ARHGAP29: variants seen among roughly 807,000 people sequenced by gnomAD.
ARHGAP29 encodes the protein rho GTPase-activating protein 29.
ARHGAP29 carries 43 observed loss-of-function variants against 122.6 expected under a neutral mutation model. The observed-to-expected ratio is 0.35, with a 90% CI of 0.27 to 0.45. The LOEUF is 0.45. ARHGAP29 is among the 20% of genes least tolerant of loss of function. The probability of loss-of-function intolerance (pLI) is 1.00; values close to 1 mark genes in which losing one functional copy is unlikely to be tolerated. For synonymous variants in ARHGAP29, 506 were observed against 497.1 expected (o/e 1.02, Z -0.24); for missense variants, 1,303 against 1,477.2 (o/e 0.88, Z 1.93).
chr1:94,206,778 C>T (rs1357734345), intron 5 of ARHGAP29, among the ~76,000 whole-genome samples: 1 of 151,818 alleles, frequency 6.6e-6, no homozygotes, highest in African/African-American at 2.4e-5. Context: ...TGTCTGTGGT[C>T]CCAGCTACTT....
At chr1:94,193,810 A>G (rs1650274486) in intron 12 of ARHGAP29, 1 of 152,232 alleles carries the variant, frequency 6.6e-6, no homozygotes, top group Non-Finnish European at 1.5e-5. Context: ...TCTGTAGACA[A>G]AGTGTTACCA....
At chr1:94,236,759 GAA>G (rs1653296707) in intron 1 of ARHGAP29, among the ~76,000 whole-genome samples, 1 of 151,980 alleles carries the variant, frequency 6.6e-6, no homozygotes, top group Non-Finnish European at 1.5e-5. Context: ...TGAGACTGAG[GAA>G]AACTCTCAAC....
chr1:94,221,042 A>C (rs1000317271), intron 2 of ARHGAP29, among the ~76,000 whole-genome samples: 1 of 152,154 alleles, frequency 6.6e-6, no homozygotes, highest in Non-Finnish European at 1.5e-5. Context: ...CTCAGTGCTC[A>C]TTCATTTTCT....
intron 12 of ARHGAP29, 126 bp from the exon 13 acceptor site, chr1:94,190,209 C>A: frequency 1.1e-6 from 1 of 944,288 alleles, no homozygotes; most frequent in South Asian, 2.0e-5. Flanking sequence ...CTGAATATCA[C>A]TCTGAACATA....
intron 8 of ARHGAP29, 78 bp from the exon 9 acceptor site, chr1:94,203,288 A>G (rs1204590390): frequency 4.0e-6 from 4 of 1,006,072 alleles, no homozygotes; most frequent in Admixed American, 2.9e-5. Context: ...CCCTTCTTCA[A>G]AAAGGGAAAC....
intron 2 of ARHGAP29, among the ~76,000 whole-genome samples, chr1:94,231,057 TAGTC>T (rs1652893235): frequency 6.6e-6 from 1 of 151,994 alleles, no homozygotes; most frequent in Non-Finnish European, 1.5e-5. Flanking sequence ...TTATAAACAT[TAGTC>T]AGCTTATTTA....
the ARHGAP29 span, among the ~76,000 whole-genome samples, chr1:94,295,067 A>G: frequency 6.6e-6 from 1 of 152,190 alleles, no homozygotes; most frequent in Non-Finnish European, 1.5e-5. Context: ...TTTCGGTTCA[A>G]GAAGAAGGTT....
In ARHGAP29 at chr1:94,223,731, T is replaced by C. The variant is rs1365007466; in HGVS notation, c.206-3339A>G. ...TATAGGTTAGCTCTGAAATTAAATC[T>C]AGTAGATATGAAATAAAGGAAACTT... On this transcript the variant is annotated intron_variant, in intron 2 of 22. Coordinates refer to ENST00000260526, the MANE Select transcript of ARHGAP29 (RefSeq NM_004815.4). 2.6e-5 allele frequency among the ~76,000 whole-genome samples: 4 copies of C among 152,050 alleles called. No individual in the cohort carries two copies. In the East Asian group the frequency reaches 7.7e-4, roughly 29 times the overall value.
At chr1:94,256,883 A>G (rs1654378938) in intron 1 of ARHGAP29, among the ~76,000 whole-genome samples, 2 of 151,752 alleles carry the variant, frequency 1.3e-5, no homozygotes, top group South Asian at 4.2e-4. Context: ...TATATATTCT[A>G]TGGTTTACTT....
At chr1:94,246,465 A>C (rs1408339904) in intron 1 of ARHGAP29, among the ~76,000 whole-genome samples, 1 of 152,236 alleles carries the variant, frequency 6.6e-6, no homozygotes, top group Non-Finnish European at 1.5e-5. Context: ...ACAAAAAGGT[A>C]CTTAGAACTT....
intron 2 of ARHGAP29, among the ~76,000 whole-genome samples, chr1:94,221,314 G>A (rs1429504637): frequency 6.6e-6 from 1 of 152,032 alleles, no homozygotes; most frequent in East Asian, 1.9e-4. Flanking sequence ...TTTAAGTACA[G>A]TACTCTTATA....
intron 1 of ARHGAP29, among the ~76,000 whole-genome samples, chr1:94,253,894 C>T: frequency 6.6e-6 from 1 of 152,120 alleles, no homozygotes; most frequent in East Asian, 1.9e-4. Context: ...CCATGCTTGC[C>T]AGAGAATTGA....
chr1:94,192,505 T>C (rs1197813559), intron 12 of ARHGAP29: 1 of 152,148 alleles, frequency 6.6e-6, no homozygotes, highest in Non-Finnish European at 1.5e-5. Flanking sequence ...TGTATATTTA[T>C]TTTCTCTCCT....
upstream of ARHGAP29, among the ~76,000 whole-genome samples, chr1:94,240,196 T>C (rs1186795414): frequency 1.3e-5 from 2 of 152,162 alleles, no homozygotes; most frequent in Non-Finnish European, 2.9e-5. Flanking sequence ...GTCACAATAG[T>C]TGGCTATTTG....
intron 19 of ARHGAP29, among the ~76,000 whole-genome samples, chr1:94,181,592 A>T (rs1156395419): frequency 6.6e-6 from 1 of 152,148 alleles, no homozygotes; most frequent in East Asian, 1.9e-4. Context: ...TAGAGGCATC[A>T]AGTGTTTCCC....
the ARHGAP29 span, among the ~76,000 whole-genome samples, chr1:94,300,879 A>T: frequency 0.23 from 35,639 of 152,178 alleles, 4,419 homozygotes; most frequent in East Asian, 0.46. Flanking sequence ...AGGAGAATTC[A>T]TACCAGGTTA....
rs772764382 is a variant in ARHGAP29, at chr1:94,203,192, A to C, written c.781T>G (p.Ser261Ala). The C allele has an allele frequency of 6.9e-6, 11 of 1,605,078 alleles. No individual in the cohort carries two copies. The highest frequency in any genetic ancestry group is 9.3e-6 in the Non-Finnish European group (11 of 1,177,486). The change falls in exon 9 of 23, where the codon TCT (serine) becomes GCT (alanine). Residue 261 changes from serine (S) to alanine (A), a missense_variant. By Grantham distance (99) the Ser-to-Ala change is moderately conservative. Around this residue, in one of 3 missense-constraint regions of ARHGAP29, gnomAD observed 592 missense variants for 648.2 expected, o/e 0.91. Coordinates refer to ENST00000260526, the MANE Select transcript of ARHGAP29 (RefSeq NM_004815.4). The stretch of plus-strand genomic sequence containing the variant: ...TTAAGAAGAGCATTAGTAAACAGAG[A>C]CTGCAGTGGCATGAACTCCTAAAAT... Reference protein sequence around the residue: ...IGIQEFMPLQSLFTNALLNDI... With the variant: ...IGIQEFMPLQALFTNALLNDI...
the ARHGAP29 span, among the ~76,000 whole-genome samples, chr1:94,303,445 C>T: frequency 1.3e-5 from 2 of 152,034 alleles, no homozygotes; most frequent in South Asian, 2.1e-4. Flanking sequence ...TAATGGGTAC[C>T]GAGTTCCAGA....
chr1:94,270,533 A>G (rs1425647423), intron 1 of ARHGAP29, among the ~76,000 whole-genome samples: 1 of 152,214 alleles, frequency 6.6e-6, no homozygotes, highest in African/African-American at 2.4e-5. Context: ...AAACTGGTAC[A>G]TTCAGTATCC....
Sources: allele counts gnomAD v4.1 joint callset (sites outside exome capture counted in the v4.1 genomes callset), GRCh38; gene constraint gnomAD v4.1.1; regional missense constraint gnomAD v4.1.1; transcripts MANE v1.5; gene names NCBI Gene and HGNC (gene_info 2026-07-23, HGNC 2026-07-21).